The following HDHD5 variants were observed in gnomAD, a reference collection of about 807,000 sequenced individuals.
HDHD5 encodes haloacid dehalogenase like hydrolase domain containing 5, also known as haloacid dehalogenase-like hydrolase domain-containing 5.
HDHD5 carries 34 observed loss-of-function variants against 35.5 expected under a neutral mutation model. The observed-to-expected ratio is 0.96, with a 90% confidence interval of 0.73 to 1.28. The LOEUF (loss-of-function observed/expected upper bound fraction) is 1.28. HDHD5 is among the 50% of genes most tolerant of loss of function. HDHD5 has a pLI of 0.00. For synonymous variants in HDHD5, 248 were observed against 240.6 expected, an observed-to-expected ratio of 1.03 and a Z score of -0.29; for missense variants, 589 against 560.2, an observed-to-expected ratio of 1.05 and a Z score of -0.52.
intron 1 of HDHD5, 139 bp downstream of exon 1, chr22:17,158,987 G>T: frequency 2.7e-6 from 2 of 754,424 alleles, no homozygotes; most frequent in Non-Finnish European, 3.5e-6. Context: ...AGAACGCGAT[G>T]CACTCGGGCG....
Position 17,145,882 on chromosome 22 carries a change from C to G in HDHD5, c.444-765G>C, listed in dbSNP as rs577499750. Among the ~76,000 whole-genome samples, 3 of 152,188 alleles carry G rather than the reference C, an allele frequency of 2.0e-5. No homozygotes were observed. The South Asian group carries it at 6.2e-4, about 32-fold the overall frequency. On this transcript the variant is annotated intron_variant, in intron 3 of 7. Coordinates refer to ENST00000336737, the MANE Select transcript of HDHD5 (RefSeq NM_033070.3). ...ATCTTAAAGGATGAACCCAAATCAT[C>G]AAGGAAGAGGCGGCCTTGGGGAGGG... is the stretch of plus-strand genomic sequence containing the variant.
At chr22:17,139,459 C>T (rs1264302951) in intron 6 of HDHD5, among the ~76,000 whole-genome samples, 1 of 151,154 alleles carries the variant, frequency 6.6e-6, no homozygotes, top group Non-Finnish European at 1.5e-5. Context: ...ACCCGGGAGG[C>T]GGAGGTTGCA....
In HDHD5 at chr22:17,137,723, G is replaced by T. The variant is rs1396760917; in HGVS notation, c.*298C>A. On this transcript the variant is annotated 3_prime_UTR_variant, in exon 8 of 8. Coordinates refer to ENST00000336737, the MANE Select transcript of HDHD5 (RefSeq NM_033070.3). ...CTCCCCCATTTCAGAAGTCCCTACTGAAATGAGAAGGACACTGAGGCACAC... is the reference window on the plus strand; with the variant it reads ...CTCCCCCATTTCAGAAGTCCCTACTTAAATGAGAAGGACACTGAGGCACAC... 2.2e-5 allele frequency: 8 copies of T among 360,972 alleles called. No individual in the cohort carries two copies. The highest frequency in any genetic ancestry group is 4.1e-5 in the African/African-American group (2 of 48,712). 22.4% of individuals were successfully genotyped at this position (360,972 alleles called of 1,614,324 possible).
In HDHD5 at chr22:17,159,263, C is replaced by G; in HGVS notation, c.-12G>C. 2.4e-6 allele frequency: 3 copies of G among 1,243,936 alleles called. No homozygotes were observed. The highest frequency in any genetic ancestry group is 2.0e-6 in the Non-Finnish European group (2 of 992,082). 77.1% of individuals were successfully genotyped at this position (1,243,936 alleles called of 1,614,324 possible). A position where few individuals can be genotyped will look rare whatever the true frequency, so the allele number is the denominator to read the frequency against. ...CCCCACGCAGCCATCCGGCCGTCGC[C>G]GTGCGCACGTGCACGGCGTGCGGCC... On this transcript the variant is annotated 5_prime_UTR_variant, in exon 1 of 8. Transcript: ENST00000336737.
intron 4 of HDHD5, among the ~76,000 whole-genome samples, chr22:17,144,698 C>G (rs960115537): frequency 5.9e-5 from 9 of 151,888 alleles, no homozygotes; most frequent in African/African-American, 9.7e-5. Context: ...ACAGGTGTGA[C>G]CCACCATGCC....
chr22:17,157,085 T>TACACACACACACAC (rs58807817), intron 1 of HDHD5, among the ~76,000 whole-genome samples: 2,894 of 143,744 alleles, frequency 0.02, 59 homozygotes, highest in African/African-American at 0.043. Context: ...CTCACACACA[T>TACACACACACACAC]ACACACACAC....
intron 1 of HDHD5, among the ~76,000 whole-genome samples, chr22:17,151,622 C>G (rs887982310): frequency 1.3e-5 from 2 of 151,570 alleles, no homozygotes; most frequent in African/African-American, 4.9e-5. Flanking sequence ...CCCAGCTACT[C>G]GGGAGGCTGA....
intron 1 of HDHD5, among the ~76,000 whole-genome samples, chr22:17,151,541 C>T (rs1488042799): frequency 1.3e-5 from 2 of 151,900 alleles, no homozygotes; most frequent in Non-Finnish European, 2.9e-5. Flanking sequence ...ACCAGCCTGG[C>T]CAACATGGTG....
chr22:17,155,491 C>T (rs1462340574), intron 1 of HDHD5, among the ~76,000 whole-genome samples: 4 of 152,048 alleles, frequency 2.6e-5, no homozygotes, highest in Non-Finnish European at 5.9e-5. Flanking sequence ...GTGATCCGCC[C>T]GTCGCGGCCT....
At chr22:17,152,311 G>A (rs2061735838) in intron 1 of HDHD5, among the ~76,000 whole-genome samples, 1 of 152,110 alleles carries the variant, frequency 6.6e-6, no homozygotes. Flanking sequence ...GGGACCAAAT[G>A]CAACCCAAGA....
chr22:17,160,795 C>T (rs35390099), upstream of HDHD5, among the ~76,000 whole-genome samples: 10,490 of 152,260 alleles, frequency 0.069, 508 homozygotes, highest in South Asian at 0.13. Context: ...CAGTCAAACT[C>T]ACAATAGCCC....
Position 17,141,161 on chromosome 22 carries a change from T to C in HDHD5, c.644A>G (p.Asn215Ser), listed in dbSNP as rs201286815. The C allele has an allele frequency of 1.2e-5, 19 of 1,595,862 alleles. No homozygotes were observed. The highest frequency in any genetic ancestry group is 1.6e-5 in the Non-Finnish European group (19 of 1,172,300). ...LQLIMDVLLS[N>S]GSPGAGLATP... ...TGCCAGGCCAGCCCCAGGGCTCCCATTGCTGAGGAGGACATCCATGATCAG... is the reference window on the plus strand; with the variant it reads ...TGCCAGGCCAGCCCCAGGGCTCCCACTGCTGAGGAGGACATCCATGATCAG... Residue 215 changes from asparagine to serine, a missense_variant, in exon 6 of 8, where the codon AAT (asparagine) becomes AGT (serine). Transcript: ENST00000336737.
At chr22:17,143,166 G>A in intron 4 of HDHD5, 35 bp from the exon 5 acceptor site, 1 of 1,600,044 alleles carries the variant, frequency 6.2e-7, no homozygotes, top group Non-Finnish European at 8.5e-7. Flanking sequence ...ATCAACACAA[G>A]TCGCCTTCCA....
At chr22:17,160,262 C>T (rs1471153732), upstream of HDHD5, among the ~76,000 whole-genome samples, 1 of 152,106 alleles carries the variant, frequency 6.6e-6, no homozygotes, top group Non-Finnish European at 1.5e-5. Flanking sequence ...CCTGTAATCC[C>T]AGAACTTTGG....
chr22:17,149,824 T>A, intron 1 of HDHD5, 79 bp from the exon 2 acceptor site: 1 of 1,273,470 alleles, frequency 7.9e-7, no homozygotes, highest in African/African-American at 1.5e-5. Flanking sequence ...AACACCATCC[T>A]CGGGTCACTC....
intron 1 of HDHD5, among the ~76,000 whole-genome samples, chr22:17,154,021 A>C (rs1457265785): frequency 6.6e-6 from 1 of 151,598 alleles, no homozygotes; most frequent in African/African-American, 2.4e-5. Flanking sequence ...AAACCCACCT[A>C]ATTTTTGTAT....
chr22:17,154,183 T>G (rs2061758840), intron 1 of HDHD5, among the ~76,000 whole-genome samples: 1 of 150,512 alleles, frequency 6.6e-6, no homozygotes, highest in Admixed American at 6.6e-5. Flanking sequence ...TAAGAAACAG[T>G]GTTTCTTTAA....
At chr22:17,149,120 A>G (rs12159382) in intron 2 of HDHD5, among the ~76,000 whole-genome samples, 6,818 of 152,006 alleles carry the variant, frequency 0.045, 493 homozygotes, top group African/African-American at 0.16. Flanking sequence ...GTTCCAAAGG[A>G]CTCTTTCCAA....
intron 1 of HDHD5, among the ~76,000 whole-genome samples, chr22:17,157,076 T>TCTCACACACACACACACA (rs1555881505): frequency 6.9e-4 from 39 of 56,168 alleles, no homozygotes; most frequent in African/African-American, 2.4e-3. Flanking sequence ...AGACACCGTC[T>TCTCACACACACACACACA]CACACACATA....
Sources: gnomAD v4.1 joint callset for allele counts (sites outside exome capture counted in the v4.1 genomes callset) on GRCh38, gnomAD v4.1.1 for gene constraint, MANE v1.5 for transcripts, NCBI Gene and HGNC (gene_info 2026-07-23, HGNC 2026-07-21) for gene names.